Variants in SLC44A5 observed in about 807,000 individuals in gnomAD.
SLC44A5 encodes the protein choline transporter-like protein 5.
Under a neutral mutation model 101.8 loss-of-function variants are expected in SLC44A5, and 57 were observed. The observed-to-expected ratio is 0.56, with a 90% CI of 0.45 to 0.70. The LOEUF is 0.70. Ranked by LOEUF, SLC44A5 falls within the 30% of genes least tolerant of loss-of-function variation. The pLI is 0.00. For synonymous variants in SLC44A5, 281 were observed against 290.9 expected (o/e 0.97, Z 0.35); for missense variants, 737 against 853.1 (o/e 0.86, Z 1.70).
chr1:75,321,848 T>C (rs1366140672), intron 4 of SLC44A5, among the ~76,000 whole-genome samples: 4 of 152,200 alleles, frequency 2.6e-5, no homozygotes, highest in African/African-American at 4.8e-5. Context: ...CATTACTAGG[T>C]TTCTTAGTCC....
intron 4 of SLC44A5, among the ~76,000 whole-genome samples, chr1:75,302,116 T>TTG (rs1207418219): frequency 2.9e-5 from 4 of 136,106 alleles, no homozygotes; most frequent in African/African-American, 8.3e-5. Context: ...TTTTTTGTTT[T>TTG]TTTTTTTTTT....
chr1:75,316,392 C>T (rs1459805644), intron 4 of SLC44A5, among the ~76,000 whole-genome samples: 1 of 151,628 alleles, frequency 6.6e-6, no homozygotes, highest in Non-Finnish European at 1.5e-5. Context: ...TTAAATGTTA[C>T]CACCTCTGTG....
At chr1:75,679,083 A>G in the SLC44A5 span, among the ~76,000 whole-genome samples, 1 of 152,128 alleles carries the variant, frequency 6.6e-6, no homozygotes, top group Non-Finnish European at 1.5e-5. Context: ...AAAGAAAGGA[A>G]CAAAGCCTCC....
chr1:75,346,612 C>A (rs533698789), intron 3 of SLC44A5, among the ~76,000 whole-genome samples: 2 of 152,236 alleles, frequency 1.3e-5, no homozygotes, highest in South Asian at 2.1e-4. Flanking sequence ...GATAATCACA[C>A]ATCATCTCAG....
At chr1:75,389,631 A>G (rs1661649929) in intron 3 of SLC44A5, among the ~76,000 whole-genome samples, 3 of 152,304 alleles carry the variant, frequency 2.0e-5, no homozygotes, top group East Asian at 1.9e-4. Context: ...GAGAGACACA[A>G]CATAGCAAAA....
chr1:75,399,999 G>T (rs998853310), intron 2 of SLC44A5, among the ~76,000 whole-genome samples: 2 of 152,142 alleles, frequency 1.3e-5, no homozygotes, highest in Middle Eastern at 3.2e-3. Context: ...ATACTAAGCC[G>T]CTGTTAAAAA....
chr1:75,317,120 G>A (rs571445346), intron 4 of SLC44A5, among the ~76,000 whole-genome samples: 127 of 152,326 alleles, frequency 8.3e-4, no homozygotes, highest in Admixed American at 4.5e-3. Flanking sequence ...TTAAAAGTAC[G>A]ATTTTAAACC....
intron 1 of SLC44A5, among the ~76,000 whole-genome samples, chr1:75,572,522 T>C (rs1024976883): frequency 6.6e-6 from 1 of 152,196 alleles, no homozygotes; most frequent in Non-Finnish European, 1.5e-5. Flanking sequence ...TGTGCCTAGC[T>C]CTGCAGACAT....
chr1:75,262,497 G>A (rs1022138087), intron 6 of SLC44A5, among the ~76,000 whole-genome samples: 2 of 152,040 alleles, frequency 1.3e-5, no homozygotes, highest in African/African-American at 2.4e-5. Context: ...ATAAACAAAT[G>A]GAAAAATATT....
In SLC44A5 at chr1:75,536,045, GAA is replaced by G. The variant is rs201274280; in HGVS notation, c.13+5388_13+5389del. Among the ~76,000 whole-genome samples, 768 of 105,552 alleles carry G rather than the reference GAA, an allele frequency of 7.3e-3. 5 individuals carry two copies. Among genetic ancestry groups the G allele is most frequent in the African/African-American group, 0.023 (713 of 31,478 alleles). 69.2% of individuals were successfully genotyped at this position (105,552 alleles called of 152,430 possible). A position where few individuals can be genotyped will look rare whatever the true frequency, so the allele number is the denominator to read the frequency against. On this transcript the variant is annotated intron_variant, in intron 2 of 23. Coordinates refer to ENST00000370859, the MANE Select transcript of SLC44A5 (RefSeq NM_001130058.2). The stretch of plus-strand genomic sequence containing the variant: ...GCAACATAGCAAGACTTCGTCTCTT[GAA>G]AAAAAAAAAAAAAAAATCCTTGAGA...
the SLC44A5 span, among the ~76,000 whole-genome samples, chr1:75,616,618 G>T: frequency 1.3e-5 from 2 of 152,222 alleles, no homozygotes; most frequent in South Asian, 4.1e-4. Flanking sequence ...AGGATAGCGA[G>T]CCCGAATTCC....
chr1:75,274,857 T>A (rs1651788751), intron 6 of SLC44A5, 101 bp downstream of exon 6: 1 of 964,000 alleles, frequency 1.0e-6, no homozygotes, highest in Non-Finnish European at 1.6e-6. Flanking sequence ...CCTTTATGAA[T>A]TTAAATCTTC....
chr1:75,294,602 GGATT>G (rs1653816369), intron 5 of SLC44A5, among the ~76,000 whole-genome samples: 1 of 152,020 alleles, frequency 6.6e-6, no homozygotes, highest in East Asian at 1.9e-4. Context: ...ATAGTTGAAT[GGATT>G]AAGAAATTAT....
chr1:75,349,285 G>A (rs1658470660), intron 3 of SLC44A5, among the ~76,000 whole-genome samples: 1 of 152,306 alleles, frequency 6.6e-6, no homozygotes, highest in East Asian at 1.9e-4. Flanking sequence ...GTTGCAGTAA[G>A]CTGAGATTGT....
intron 3 of SLC44A5, chr1:75,354,011 T>G (rs2101083107): frequency 2.8e-6 from 1 of 359,746 alleles, no homozygotes; most frequent in East Asian, 8.9e-5. Flanking sequence ...AATTAACACA[T>G]GACCTTTCAC....
intron 2 of SLC44A5, among the ~76,000 whole-genome samples, chr1:75,414,585 AT>A (rs1663515475): frequency 6.6e-6 from 1 of 152,220 alleles, no homozygotes; most frequent in Admixed American, 6.5e-5. Flanking sequence ...TTTAGGTGTC[AT>A]TAAAAAAGAG....
At chr1:75,440,448 A>G (rs1021890499) in intron 2 of SLC44A5, among the ~76,000 whole-genome samples, 3 of 152,232 alleles carry the variant, frequency 2.0e-5, no homozygotes, top group African/African-American at 7.2e-5. Flanking sequence ...TAGCAGTGGG[A>G]GTGACAGTGA....
At chr1:75,508,082 C>T (rs943221103) in intron 2 of SLC44A5, among the ~76,000 whole-genome samples, 2 of 152,094 alleles carry the variant, frequency 1.3e-5, no homozygotes, top group African/African-American at 4.8e-5. Flanking sequence ...CTCATCTACA[C>T]ATGAAACATA....
rs559245640 is a variant in SLC44A5, at chr1:75,564,582, T to C, written c.-69-23066A>G. On this transcript the variant is annotated intron_variant, in intron 1 of 23. Transcript: ENST00000370859. Reference sequence around the variant, plus strand: ...CCATGGCTTCTGCAACCCTGATTTATTTATTTACTTTTTTTTTAATTTTTA... The same window carrying C: ...CCATGGCTTCTGCAACCCTGATTTACTTATTTACTTTTTTTTTAATTTTTA... 5.3e-5 allele frequency among the ~76,000 whole-genome samples: 8 copies of C among 151,302 alleles called. No individual in the cohort carries two copies. The East Asian group carries it at 1.5e-3, about 29-fold the overall frequency.
Sources: gnomAD v4.1 joint callset for allele counts (sites outside exome capture counted in the v4.1 genomes callset) on GRCh38, gnomAD v4.1.1 for gene constraint, MANE v1.5 for transcripts, NCBI Gene and HGNC (gene_info 2026-07-23, HGNC 2026-07-21) for gene names.